The following FHIT variants were observed in gnomAD, a reference collection of about 807,000 sequenced individuals.
FHIT encodes the protein bis(5'-adenosyl)-triphosphatase.
FHIT carries 19 observed loss-of-function variants against 17.9 expected under a neutral mutation model. That is an observed-to-expected ratio of 1.06 (90% confidence interval 0.74 to 1.56). The LOEUF is 1.56. FHIT is among the 40% of genes most tolerant of loss of function. The pLI, the probability that FHIT is intolerant of heterozygous loss-of-function variation, is 0.00. For synonymous variants in FHIT, 81 were observed against 69.7 expected, an observed-to-expected ratio of 1.16 and a Z score of -0.81; for missense variants, 248 against 189.2, an observed-to-expected ratio of 1.31 and a Z score of -1.82.
At chr3:60,684,355 C>A (rs1170323360) in intron 4 of FHIT, among the ~76,000 whole-genome samples, 2 of 152,062 alleles carry the variant, frequency 1.3e-5, no homozygotes, top group East Asian at 3.9e-4. Context: ...GTCACATTCA[C>A]AAGCTCTAGA....
At chr3:60,675,247 T>G (rs1178848646) in intron 4 of FHIT, among the ~76,000 whole-genome samples, 1 of 152,206 alleles carries the variant, frequency 6.6e-6, no homozygotes, top group Non-Finnish European at 1.5e-5. Flanking sequence ...ACTAAAATGC[T>G]TTAGTATCTC....
At chr3:59,824,696 C>T (rs760314713) in intron 8 of FHIT, among the ~76,000 whole-genome samples, 4 of 152,208 alleles carry the variant, frequency 2.6e-5, no homozygotes, top group Non-Finnish European at 4.4e-5. Flanking sequence ...AAGTGAGCCC[C>T]ACCTTCTGTT....
chr3:60,862,178 G>T (rs1553752828), intron 3 of FHIT, among the ~76,000 whole-genome samples: 1 of 151,734 alleles, frequency 6.6e-6, no homozygotes, highest in Non-Finnish European at 1.5e-5. Context: ...TTTTGTTTTT[G>T]TTTTTGTTTT....
At chr3:61,237,841 C>A (rs1023506601) in intron 1 of FHIT, among the ~76,000 whole-genome samples, 1 of 152,264 alleles carries the variant, frequency 6.6e-6, no homozygotes, top group Admixed American at 6.5e-5. Context: ...AGAGGCAAAG[C>A]CAGAAGTGAG....
intron 5 of FHIT, among the ~76,000 whole-genome samples, chr3:60,243,524 A>C (rs185824079): frequency 8.9e-4 from 135 of 152,166 alleles, no homozygotes; most frequent in Middle Eastern, 6.8e-3. Flanking sequence ...AGCTCAACAA[A>C]TGGCTACATC....
intron 5 of FHIT, among the ~76,000 whole-genome samples, chr3:60,091,292 T>C (rs1703719762): frequency 1.3e-5 from 2 of 152,182 alleles, no homozygotes; most frequent in African/African-American, 4.8e-5. Context: ...AGAAAAATGC[T>C]TTGAAGAAGA....
chr3:60,373,682 G>T (rs1576557425), intron 5 of FHIT, among the ~76,000 whole-genome samples: 1 of 152,210 alleles, frequency 6.6e-6, no homozygotes, highest in Non-Finnish European at 1.5e-5. Context: ...GTCACTACTG[G>T]CAAAAGCACC....
chr3:60,467,775 T>C (rs2032878811), intron 5 of FHIT, among the ~76,000 whole-genome samples: 1 of 152,062 alleles, frequency 6.6e-6, no homozygotes, highest in South Asian at 2.1e-4. Context: ...AGCTGAAGAA[T>C]GTGTACTCTG....
chr3:60,128,654 G>C (rs1699370499), intron 5 of FHIT, among the ~76,000 whole-genome samples: 1 of 152,232 alleles, frequency 6.6e-6, no homozygotes, highest in Non-Finnish European at 1.5e-5. Flanking sequence ...AGGCAAGTAA[G>C]AATTACTCTG....
At chr3:59,913,831 C>T (rs294456) in intron 8 of FHIT, among the ~76,000 whole-genome samples, 149,236 of 152,262 alleles carry the variant, frequency 0.98, 73,210 homozygotes, top group Middle Eastern at 1. Flanking sequence ...TTGCAATAAA[C>T]CACTATGTTG....
intron 7 of FHIT, among the ~76,000 whole-genome samples, chr3:59,947,608 G>T (rs890533930): frequency 6.6e-6 from 1 of 152,164 alleles, no homozygotes; most frequent in Admixed American, 6.5e-5. Flanking sequence ...AGGGGGCCAC[G>T]GCTTAGCTCA....
At chr3:60,836,558 G>C (rs1177626114) in intron 3 of FHIT, among the ~76,000 whole-genome samples, 1 of 152,138 alleles carries the variant, frequency 6.6e-6, no homozygotes, top group Non-Finnish European at 1.5e-5. Context: ...TATGTGTGTA[G>C]AGTTGTTCAT....
chr3:60,343,654 T>A lies in FHIT; in HGVS notation c.103+193206A>T, dbSNP rs181537469. Among the ~76,000 whole-genome samples the A allele has an allele frequency of 7.2e-5, 11 of 152,320 alleles. No homozygotes were observed. The East Asian group carries it at 2.1e-3, about 29-fold the overall frequency. The stretch of plus-strand genomic sequence containing the variant: ...TAATGTTTCATTTTTAAGATGATAG[T>A]CTAGGCTGCAATTTTAAATTGGTAA... On this transcript the variant is annotated intron_variant, in intron 5 of 9. Transcript: ENST00000492590.
chr3:61,144,048 A>G, intron 2 of FHIT, among the ~76,000 whole-genome samples: 1 of 152,184 alleles, frequency 6.6e-6, no homozygotes, highest in East Asian at 1.9e-4. Context: ...CTTTATTTAG[A>G]TACATTTACA....
rs147933227 is a variant in FHIT at position 60,323,193 on chromosome 3, G to A, written c.103+213667C>T. Among the ~76,000 whole-genome samples the A allele has an allele frequency of 6.0e-3, 906 of 152,094 alleles. 8 individuals are homozygous for A. Among genetic ancestry groups the A allele is most frequent in the African/African-American group, 0.021 (856 of 41,490 alleles). On this transcript the variant is annotated intron_variant, in intron 5 of 9. Coordinates refer to ENST00000492590, the MANE Select transcript of FHIT (RefSeq NM_002012.4). Reference sequence around the variant, plus strand: ...AAAGTACCTCCTCCCTCAAGGGGACGCAGGGCTCCCAGGACACCACCGGGA... The same window carrying A: ...AAAGTACCTCCTCCCTCAAGGGGACACAGGGCTCCCAGGACACCACCGGGA...
intron 1 of FHIT, among the ~76,000 whole-genome samples, chr3:61,245,853 C>T (rs897153403): frequency 6.6e-6 from 1 of 152,178 alleles, no homozygotes; most frequent in Non-Finnish European, 1.5e-5. Context: ...ACCAGAGCAA[C>T]TCCATCTTCA....
chr3:60,443,024 T>C (rs1559917656), intron 5 of FHIT, among the ~76,000 whole-genome samples: 1 of 152,174 alleles, frequency 6.6e-6, no homozygotes, highest in Non-Finnish European at 1.5e-5. Flanking sequence ...TATTTTATTC[T>C]CTTTGAAGCA....
chr3:60,090,312 A>G (rs886120604), intron 5 of FHIT, among the ~76,000 whole-genome samples: 3 of 152,214 alleles, frequency 2.0e-5, no homozygotes, highest in African/African-American at 7.2e-5. Flanking sequence ...CTTCATACCC[A>G]TCACTGGAGA....
intron 8 of FHIT, among the ~76,000 whole-genome samples, chr3:59,857,102 A>G (rs886850587): frequency 6.6e-6 from 1 of 152,304 alleles, no homozygotes; most frequent in Middle Eastern, 3.4e-3. Flanking sequence ...GGGACACAGC[A>G]CTTCCTCTGA....
Sources: allele counts gnomAD v4.1 joint callset (sites outside exome capture counted in the v4.1 genomes callset), GRCh38; gene constraint gnomAD v4.1.1; transcripts MANE v1.5; gene names NCBI Gene and HGNC (gene_info 2026-07-23, HGNC 2026-07-21).